Variants in LRRTM3 observed in about 807,000 individuals in gnomAD.
LRRTM3 encodes leucine-rich repeat transmembrane neuronal protein 3.
Under a neutral mutation model 44.7 loss-of-function variants are expected in LRRTM3, and 24 were observed. The ratio of observed to expected loss-of-function variants is 0.54; its 90% CI spans 0.39 to 0.76. The LOEUF (loss-of-function observed/expected upper bound fraction) is 0.76, where lower values mean the gene tolerates loss of function less well. Ranked by LOEUF, LRRTM3 falls within the 30% of genes least tolerant of loss-of-function variation. The probability of loss-of-function intolerance (pLI) is 0.00; values close to 1 mark genes in which losing one functional copy is unlikely to be tolerated. For synonymous variants in LRRTM3, 277 were observed against 278.7 expected, an observed-to-expected ratio of 0.99 and a Z score of 0.06; for missense variants, 587 against 702.2, an observed-to-expected ratio of 0.84 and a Z score of 1.85.
At chr10:67,002,924 C>T (rs1031368790) in intron 2 of LRRTM3, among the ~76,000 whole-genome samples, 4 of 152,254 alleles carry the variant, frequency 2.6e-5, no homozygotes, top group African/African-American at 9.6e-5. Flanking sequence ...TACCAAGGCT[C>T]AAGTTTTCAT....
chr10:67,089,013 T>G (rs1247426728), intron 2 of LRRTM3, among the ~76,000 whole-genome samples: 1 of 152,076 alleles, frequency 6.6e-6, no homozygotes, highest in African/African-American at 2.4e-5. Context: ...TATTAGGTAT[T>G]ATGAGTAATC....
intron 2 of LRRTM3, among the ~76,000 whole-genome samples, chr10:66,971,166 G>A (rs565577996): frequency 2.0e-5 from 3 of 152,218 alleles, no homozygotes; most frequent in African/African-American, 4.8e-5. Flanking sequence ...GGTGGCTCAC[G>A]CCTGTAATCC....
intron 2 of LRRTM3, among the ~76,000 whole-genome samples, chr10:66,945,482 A>C (rs1211358603): frequency 2.7e-4 from 41 of 152,158 alleles, no homozygotes; most frequent in Non-Finnish European, 5.9e-5. Flanking sequence ...TTTGACTTAA[A>C]GGGAATGTTG....
In LRRTM3 at chr10:67,097,961, ATTGTT is replaced by A. The variant is rs553277532; in HGVS notation, c.*168_*172del. The A allele has an allele frequency of 9.1e-4, 582 of 642,700 alleles. 3 individuals carry two copies. In the African/African-American group the frequency reaches 9.5e-3, roughly 10 times the overall value. 39.8% of individuals were successfully genotyped at this position (642,700 alleles called of 1,614,324 possible). Reference sequence around the variant, plus strand: ...GATTCATGAAATAAAGAAGACATGAATTGTTTTAAGTCTACACTTTGTAATTAGCT... The same window carrying A: ...GATTCATGAAATAAAGAAGACATGAATTAAGTCTACACTTTGTAATTAGCT... On this transcript the variant is annotated 3_prime_UTR_variant, in exon 3 of 3. Coordinates refer to ENST00000361320, the MANE Select transcript of LRRTM3 (RefSeq NM_178011.5).
chr10:67,099,429 CATCA>C lies in LRRTM3; in HGVS notation c.*1637_*1640del, dbSNP rs1285696160. On this transcript the variant is annotated 3_prime_UTR_variant, in exon 3 of 3. Coordinates refer to ENST00000361320, the MANE Select transcript of LRRTM3 (RefSeq NM_178011.5). ...TGCCATCAAAAGTAGATTGACAATACATCAATCTAACAGGGGCCAATCAAAACAA... is the reference window on the plus strand; with the variant it reads ...TGCCATCAAAAGTAGATTGACAATACATCTAACAGGGGCCAATCAAAACAA... The C allele has an allele frequency of 6.6e-6, 1 of 151,512 alleles. No individual in the cohort carries two copies. Among genetic ancestry groups the C allele is most frequent in the Non-Finnish European group, 1.5e-5 (1 of 67,726 alleles). The allele number at this position is 151,512 out of a possible 1,614,324, so 9.4% of individuals were successfully genotyped here.
chr10:67,086,586 A>G (rs942885119), intron 2 of LRRTM3, among the ~76,000 whole-genome samples: 1 of 151,998 alleles, frequency 6.6e-6, no homozygotes, highest in African/African-American at 2.4e-5. Context: ...TCTGTTTTAT[A>G]AAGAATGTGA....
At chr10:67,036,429 G>C (rs954021930) in intron 2 of LRRTM3, among the ~76,000 whole-genome samples, 4 of 152,142 alleles carry the variant, frequency 2.6e-5, no homozygotes, top group Admixed American at 2.0e-4. Context: ...ACTTTGGAAG[G>C]CTGAGGCGGG....
chr10:67,016,828 A>C (rs1370770202), intron 2 of LRRTM3, among the ~76,000 whole-genome samples: 3 of 152,132 alleles, frequency 2.0e-5, no homozygotes, highest in Non-Finnish European at 4.4e-5. Context: ...TGATAATTTT[A>C]GTAGACTTTG....
intron 2 of LRRTM3, among the ~76,000 whole-genome samples, chr10:67,011,170 A>G (rs1589598822): frequency 6.6e-6 from 1 of 152,032 alleles, no homozygotes; most frequent in East Asian, 1.9e-4. Flanking sequence ...TCTACTAAAA[A>G]TACAAAAAAT....
intron 2 of LRRTM3, among the ~76,000 whole-genome samples, chr10:67,089,704 T>G (rs967472551): frequency 7.1e-5 from 10 of 141,680 alleles, no homozygotes; most frequent in African/African-American, 2.7e-4. Flanking sequence ...AGTATACATA[T>G]GTGTATATAC....
At chr10:67,008,900 C>G (rs1852164742) in intron 2 of LRRTM3, among the ~76,000 whole-genome samples, 1 of 152,026 alleles carries the variant, frequency 6.6e-6, no homozygotes, top group Non-Finnish European at 1.5e-5. Context: ...TCTTGTGTAA[C>G]TTCTTATGGG....
chr10:67,032,126 C>T (rs530167429), intron 2 of LRRTM3, among the ~76,000 whole-genome samples: 1 of 152,132 alleles, frequency 6.6e-6, no homozygotes, highest in African/African-American at 2.4e-5. Flanking sequence ...GGTTTGTTTC[C>T]ACTTTATATG....
intron 2 of LRRTM3, among the ~76,000 whole-genome samples, chr10:67,061,439 T>G (rs1855750943): frequency 6.6e-6 from 1 of 152,206 alleles, no homozygotes; most frequent in Non-Finnish European, 1.5e-5. Flanking sequence ...CCCCCTGTCC[T>G]GGGTTTTTAT....
intron 2 of LRRTM3, among the ~76,000 whole-genome samples, chr10:67,032,131 T>C (rs1853765590): frequency 6.6e-6 from 1 of 152,176 alleles, no homozygotes; most frequent in Non-Finnish European, 1.5e-5. Flanking sequence ...GTTTCCACTT[T>C]ATATGTGAGA....
intron 2 of LRRTM3, among the ~76,000 whole-genome samples, chr10:66,935,621 C>A (rs1227292275): frequency 6.6e-6 from 1 of 151,784 alleles, no homozygotes; most frequent in Middle Eastern, 3.2e-3. Flanking sequence ...GTATGTTGTA[C>A]ATGCCTAAAA....
intron 2 of LRRTM3, among the ~76,000 whole-genome samples, chr10:67,035,243 T>A (rs1028832364): frequency 1.3e-5 from 2 of 152,202 alleles, no homozygotes; most frequent in Admixed American, 1.3e-4. Flanking sequence ...ATAGTCAAAT[T>A]AAGTAAAACT....
chr10:67,071,002 A>G (rs1856419139), intron 2 of LRRTM3, among the ~76,000 whole-genome samples: 1 of 152,106 alleles, frequency 6.6e-6, no homozygotes, highest in Non-Finnish European at 1.5e-5. Flanking sequence ...GTTCTATATA[A>G]TTATTACTTT....
intron 2 of LRRTM3, among the ~76,000 whole-genome samples, chr10:67,093,585 A>G (rs1243241194): frequency 6.6e-6 from 1 of 151,828 alleles, no homozygotes; most frequent in Non-Finnish European, 1.5e-5. Context: ...TGTTTTTTTA[A>G]TGCCAGCTGG....
Position 67,022,649 on chromosome 10 carries a change from C to T in LRRTM3, c.1537-74938C>T, listed in dbSNP as rs549140044. Among the ~76,000 whole-genome samples the T allele has an allele frequency of 1.2e-4, 19 of 152,078 alleles. 1 individual carries two copies. The East Asian group carries it at 3.7e-3, about 29-fold the overall frequency. On this transcript the variant is annotated intron_variant, in intron 2 of 2. Coordinates refer to ENST00000361320, the MANE Select transcript of LRRTM3 (RefSeq NM_178011.5). ...CAAATGATGAAAAATTTTAAATATA[C>T]ACTGAAGGCCGGGCACGGTGGTTCA...
Sources: allele counts gnomAD v4.1 joint callset (sites outside exome capture counted in the v4.1 genomes callset), GRCh38; gene constraint gnomAD v4.1.1; transcripts MANE v1.5; gene names NCBI Gene and HGNC (gene_info 2026-07-23, HGNC 2026-07-21).